Variants in ATP2B1 observed in about 807,000 individuals in gnomAD.
ATP2B1 encodes ATPase plasma membrane Ca2+ transporting 1, also known as plasma membrane calcium-transporting ATPase 1.
In ATP2B1, 14 loss-of-function variants were observed where a neutral mutation model predicts 124.2. That is an observed-to-expected ratio of 0.11 (90% CI 0.07 to 0.18). The LOEUF (loss-of-function observed/expected upper bound fraction) is 0.18, where lower values mean the gene tolerates loss of function less well. Ranked by LOEUF, ATP2B1 falls within the 10% of genes least tolerant of loss-of-function variation. The probability of loss-of-function intolerance (pLI) is 1.00; values close to 1 mark genes in which losing one functional copy is unlikely to be tolerated. For missense variants in ATP2B1, 763 were observed against 1,466.1 expected, an observed-to-expected ratio of 0.52 and a Z score of 7.83; for synonymous variants, 449 against 492.4, an observed-to-expected ratio of 0.91 and a Z score of 1.17.
At chr12:89,659,693 C>A (rs1300904010) in intron 1 of ATP2B1, among the ~76,000 whole-genome samples, 1 of 151,938 alleles carries the variant, frequency 6.6e-6, no homozygotes, top group South Asian at 2.1e-4. Context: ...GAGGCCGAGG[C>A]GGGCGGATCA....
chr12:89,629,817 T>C (rs1881556673), intron 6 of ATP2B1, among the ~76,000 whole-genome samples: 2 of 152,146 alleles, frequency 1.3e-5, no homozygotes, highest in African/African-American at 4.8e-5. Context: ...GGAAGGGTGG[T>C]ATAGCAGACA....
At position 89,621,762 on chromosome 12, in the gene ATP2B1, CCTTA is replaced by C. The variant is rs1879993574; in HGVS notation, c.1370_1373del (p.Val457GlyfsTer23). The C allele has an allele frequency of 1.3e-6, 2 of 1,584,964 alleles. No individual in the cohort carries two copies. Among genetic ancestry groups the C allele is most frequent in the Non-Finnish European group, 8.6e-7 (1 of 1,168,162 alleles). The stretch of plus-strand genomic sequence containing the variant: ...CCATGGTTTCACAAGCATCCAGATG[CCTTA>C]CTAAGTTATTATCTTTCATCATTTT... On this transcript the variant is annotated frameshift_variant, in exon 10 of 21. Coordinates refer to ENST00000428670, the MANE Select transcript of ATP2B1 (RefSeq NM_001366521.1). LOFTEE classifies it high-confidence loss of function.
At chr12:89,698,862 CTGG>C (rs1891490832) in intron 1 of ATP2B1, among the ~76,000 whole-genome samples, 2 of 152,154 alleles carry the variant, frequency 1.3e-5, no homozygotes, top group South Asian at 4.1e-4. Context: ...GGGAAGAAGA[CTGG>C]TGATCTTAAC....
chr12:89,700,730 C>A (rs1289864068), intron 1 of ATP2B1, among the ~76,000 whole-genome samples: 2 of 152,042 alleles, frequency 1.3e-5, no homozygotes, highest in Non-Finnish European at 2.9e-5. Flanking sequence ...ACTCTTTGAC[C>A]AACAATTTTA....
intron 1 of ATP2B1, among the ~76,000 whole-genome samples, chr12:89,699,971 A>G (rs1891635248): frequency 6.6e-6 from 1 of 151,550 alleles, no homozygotes; most frequent in Non-Finnish European, 1.5e-5. Context: ...CAGCCTCCCA[A>G]GTAGCTAGGA....
In ATP2B1 at chr12:89,655,906, A is replaced by C; in HGVS notation, c.-20T>G. 1 of 1,532,108 alleles carries C rather than the reference A, an allele frequency of 6.5e-7. No homozygotes were observed. The allele number at this position is 1,532,108 out of a possible 1,614,324, so 94.9% of individuals were successfully genotyped here. A position where few individuals can be genotyped will look rare whatever the true frequency, so the allele number is the denominator to read the frequency against. ...GCCCATTACAAGTATAATATATCAGAAGGAAAATGTTTCCCAAAAGAATTT... is the reference window on the plus strand; with the variant it reads ...GCCCATTACAAGTATAATATATCAGCAGGAAAATGTTTCCCAAAAGAATTT... On this transcript the variant is annotated 5_prime_UTR_variant, in exon 2 of 21. Coordinates refer to ENST00000428670, the MANE Select transcript of ATP2B1 (RefSeq NM_001366521.1).
At chr12:89,604,370 T>C (rs758918058) in intron 15 of ATP2B1, 24 bp from the exon 16 acceptor site, 118 of 1,557,626 alleles carry the variant, frequency 7.6e-5, no homozygotes, top group Non-Finnish European at 9.6e-5. Flanking sequence ...TTTTGTGAAT[T>C]AGACTAAATG....
intron 1 of ATP2B1, among the ~76,000 whole-genome samples, chr12:89,692,234 T>C (rs1036899722): frequency 1.3e-5 from 2 of 152,148 alleles, no homozygotes; most frequent in Non-Finnish European, 2.9e-5. Context: ...GCCAAAATGA[T>C]TTAGTTGACT....
chr12:89,588,899 T>C lies in ATP2B1; in HGVS notation c.*2085A>G, dbSNP rs1873074892. ...CAGTTGATAGGGTCAATTTTTAGAG[T>C]TGAAAGGGTTCTTCAAGATAGTCCA... On this transcript the variant is annotated 3_prime_UTR_variant, in exon 21 of 21. Transcript: ENST00000428670. 1 of 152,488 alleles carries C rather than the reference T, an allele frequency of 6.6e-6. No individual in the cohort carries two copies. Among genetic ancestry groups the C allele is most frequent in the Non-Finnish European group, 1.5e-5 (1 of 67,996 alleles). The allele number at this position is 152,488 out of a possible 1,614,324, so 9.4% of individuals were successfully genotyped here. A position where few individuals can be genotyped will look rare whatever the true frequency, so the allele number is the denominator to read the frequency against.
rs1013946959 is a variant in ATP2B1 at position 89,588,515 on chromosome 12, T to C, written c.*2469A>G. The C allele has an allele frequency of 3.9e-5, 6 of 152,620 alleles. No homozygotes were observed. Among genetic ancestry groups the C allele is most frequent in the African/African-American group, 1.4e-4 (6 of 41,460 alleles). 9.5% of individuals were successfully genotyped at this position (152,620 alleles called of 1,614,324 possible). ...GTGATTGAATTACAGATTTCAGCTA[T>C]ACATACTATATAATGGGATCCAAGA... On this transcript the variant is annotated 3_prime_UTR_variant, in exon 21 of 21. Coordinates refer to ENST00000428670, the MANE Select transcript of ATP2B1 (RefSeq NM_001366521.1).
At chr12:89,638,708 G>A (rs1283915363) in intron 3 of ATP2B1, among the ~76,000 whole-genome samples, 1 of 152,048 alleles carries the variant, frequency 6.6e-6, no homozygotes, top group African/African-American at 2.4e-5. Context: ...TAAATATTTT[G>A]TCCAGCTTTA....
chr12:89,703,486 T>C (rs985684198), intron 1 of ATP2B1, among the ~76,000 whole-genome samples: 3 of 152,232 alleles, frequency 2.0e-5, no homozygotes, highest in African/African-American at 4.8e-5. Context: ...CACTAACTTA[T>C]GTCCTTTTAG....
In ATP2B1 at chr12:89,655,664, C is replaced by T. The variant is rs1408269447; in HGVS notation, c.208+15G>A. The T allele has an allele frequency of 6.2e-7, 1 of 1,611,188 alleles. No homozygotes were observed. Among genetic ancestry groups the T allele is most frequent in the South Asian group, 1.1e-5 (1 of 90,928 alleles). ...CTTTGCACAAAGAACCAAAAACAAG[C>T]ATAATAAAACTCACCTTCATTGGGA... On this transcript the variant is annotated intron_variant, in intron 2 of 20. Coordinates refer to ENST00000428670, the MANE Select transcript of ATP2B1 (RefSeq NM_001366521.1).
At chr12:89,686,430 T>C (rs1211583305) in intron 1 of ATP2B1, among the ~76,000 whole-genome samples, 1 of 152,132 alleles carries the variant, frequency 6.6e-6, no homozygotes, top group Non-Finnish European at 1.5e-5. Flanking sequence ...ACTGATATGC[T>C]TTTGCGTACA....
intron 1 of ATP2B1, among the ~76,000 whole-genome samples, chr12:89,675,358 T>C (rs1888478527): frequency 6.6e-6 from 1 of 152,190 alleles, no homozygotes; most frequent in Non-Finnish European, 1.5e-5. Flanking sequence ...AAATGTCAAC[T>C]TACGTCTTTC....
At chr12:89,700,472 C>A (rs1387455304) in intron 1 of ATP2B1, among the ~76,000 whole-genome samples, 1 of 152,056 alleles carries the variant, frequency 6.6e-6, no homozygotes, top group African/African-American at 2.4e-5. Flanking sequence ...CACTTACTTT[C>A]TTTTGAGCAT....
chr12:89,657,532 T>C (rs1886105779), intron 1 of ATP2B1, among the ~76,000 whole-genome samples: 1 of 152,180 alleles, frequency 6.6e-6, no homozygotes. Context: ...TGATTAGAAC[T>C]AGAAAAGATT....
intron 1 of ATP2B1, among the ~76,000 whole-genome samples, chr12:89,684,065 G>A (rs1889676866): frequency 6.6e-6 from 1 of 151,962 alleles, no homozygotes; most frequent in Middle Eastern, 3.4e-3. Flanking sequence ...CATTAGGGGG[G>A]AAAAAAAGCA....
At chr12:89,643,230 G>GTA (rs547473716) in intron 2 of ATP2B1, among the ~76,000 whole-genome samples, 1 of 148,498 alleles carries the variant, frequency 6.7e-6, no homozygotes, top group Non-Finnish European at 1.5e-5. Flanking sequence ...ATGTATATAC[G>GTA]TATATATATG....
Sources: allele counts gnomAD v4.1 joint callset (sites outside exome capture counted in the v4.1 genomes callset), GRCh38; gene constraint gnomAD v4.1.1; transcripts MANE v1.5; gene names NCBI Gene and HGNC (gene_info 2026-07-23, HGNC 2026-07-21).